TNC: variants seen among roughly 807,000 people sequenced by gnomAD.
TNC encodes the protein tenascin.
In TNC, 109 loss-of-function variants were observed where a neutral mutation model predicts 202.4. The observed-to-expected ratio is 0.54, with a 90% CI of 0.46 to 0.63. The LOEUF (loss-of-function observed/expected upper bound fraction) is 0.63. Ranked by LOEUF, TNC falls within the 30% of genes least tolerant of loss-of-function variation. The pLI, the probability that TNC is intolerant of heterozygous loss-of-function variation, is 0.00. For missense variants in TNC, 2,756 were observed against 2,833.3 expected (o/e 0.97, Z 0.62); for synonymous variants, 1,007 against 1,089.7 (o/e 0.92, Z 1.50).
At chr9:115,048,619 A>G (rs141506248) in intron 15 of TNC, 87 bp from the exon 16 acceptor site, 697 of 1,301,676 alleles carry the variant, frequency 5.4e-4, no homozygotes, top group Non-Finnish European at 6.9e-4. Flanking sequence ...ACCAATAGAT[A>G]CCCAAGTCCA....
intron 17 of TNC, among the ~76,000 whole-genome samples, chr9:115,043,859 C>T (rs1830966010): frequency 6.6e-6 from 1 of 152,222 alleles, no homozygotes; most frequent in South Asian, 2.1e-4. Context: ...GGTGTAGGTA[C>T]ATTTTAGTAG....
In TNC at chr9:115,064,772, G is replaced by A; in HGVS notation, c.3362C>T (p.Thr1121Ile). ...CACAGCCCGAAGGCTGCCAGGCACG[G>A]TGAGGTTCCGAGCTGCCTCCACCTT... ...ANKVEAARNL[T>I]VPGSLRAVDI... The change falls in exon 11 of 28, where the codon ACC becomes ATC. Residue 1121 changes from threonine to isoleucine, a missense_variant. This residue lies in a region of TNC where 2,559 missense variants were observed against 2,546.0 expected (regional missense o/e 1.01). Coordinates refer to ENST00000350763, the MANE Select transcript of TNC (RefSeq NM_002160.4). 6.2e-7 allele frequency: 1 copy of A among 1,614,204 alleles called. No individual in the cohort carries two copies. The highest frequency in any genetic ancestry group is 2.2e-5 in the East Asian group (1 of 44,884).
intron 18 of TNC, among the ~76,000 whole-genome samples, chr9:115,041,847 G>A (rs1830780657): frequency 6.6e-6 from 1 of 152,138 alleles, no homozygotes; most frequent in Non-Finnish European, 1.5e-5. Flanking sequence ...GACAGATTTG[G>A]TACCCAAAGG....
chr9:115,057,494 A>C (rs1029666632), intron 14 of TNC, 69 bp from the exon 15 acceptor site: 1 of 1,473,886 alleles, frequency 6.8e-7, no homozygotes, highest in Admixed American at 2.0e-5. Flanking sequence ...GTGTTTTAAG[A>C]TTGAGGTTGT....
At chr9:115,077,875 C>T in intron 7 of TNC, 68 bp downstream of exon 7, 1 of 1,519,862 alleles carries the variant, frequency 6.6e-7, no homozygotes, top group Non-Finnish European at 9.0e-7. Flanking sequence ...GATACCCCAA[C>T]ATGGAGTGGG....
Position 115,024,238 on chromosome 9 carries a change from G to T in TNC, c.6332-102C>A. 3 of 1,260,078 alleles carry T rather than the reference G, an allele frequency of 2.4e-6. 1 individual carries two copies. In the South Asian group the frequency reaches 4.2e-5, roughly 18 times the overall value. The allele number at this position is 1,260,078 out of a possible 1,614,324, so 78.1% of individuals were successfully genotyped here. A position where few individuals can be genotyped will look rare whatever the true frequency, so the allele number is the denominator to read the frequency against. On this transcript the variant is annotated intron_variant, in intron 26 of 27. Coordinates refer to ENST00000350763, the MANE Select transcript of TNC (RefSeq NM_002160.4). ...AGGTGACAATTGAAAGGTTCTGGGT[G>T]TGGGACTGGCCTTGAACATTGATCC...
At chr9:115,085,782 T>C in intron 3 of TNC, 82 bp downstream of exon 3, 1 of 1,237,842 alleles carries the variant, frequency 8.1e-7, no homozygotes, top group Non-Finnish European at 1.1e-6. Flanking sequence ...AATGTTTATA[T>C]ATATAAACGT....
chr9:115,048,650 G>A (rs1280594899), intron 15 of TNC, 118 bp from the exon 16 acceptor site: 2 of 1,084,596 alleles, frequency 1.8e-6, no homozygotes, highest in Non-Finnish European at 2.6e-6. Flanking sequence ...TGTGTTATAT[G>A]CTTAGAAAAT....
intron 4 of TNC, among the ~76,000 whole-genome samples, chr9:115,083,796 G>C (rs1269119581): frequency 1.3e-5 from 2 of 152,148 alleles, no homozygotes; most frequent in Admixed American, 6.5e-5. Flanking sequence ...GTAGAGACAG[G>C]GTTTCGCCAT....
At position 115,031,579 on chromosome 9, in the gene TNC, T is replaced by C. The variant is rs943505277; in HGVS notation, c.5894A>G (p.Asn1965Ser). Residue 1965 changes from asparagine (N) to serine (S), a missense_variant, in exon 23 of 28, where the codon AAT becomes AGT. By Grantham distance (46) the Asn-to-Ser change is conservative. This residue lies in a region of TNC where 2,559 missense variants were observed against 2,546.0 expected (regional missense o/e 1.01). Coordinates refer to ENST00000350763, the MANE Select transcript of TNC (RefSeq NM_002160.4). ...IQALNGPLRS[N>S]MIQTIFTTIG... ...TGTGGTGAAGATGGTCTGGATCATA[T>C]TGCTCCTCAGGGGCCCATTGAGTGC... 24 of 1,604,258 alleles carry C rather than the reference T, an allele frequency of 1.5e-5. No homozygotes were observed. The highest frequency in any genetic ancestry group is 1.7e-4 in the Middle Eastern group (1 of 6,058).
intron 12 of TNC, among the ~76,000 whole-genome samples, chr9:115,063,490 C>T (rs1426513689): frequency 6.6e-6 from 1 of 152,124 alleles, no homozygotes; most frequent in Non-Finnish European, 1.5e-5. Context: ...GAGCTCAGAG[C>T]TATTTTTTCT....
At chr9:115,065,055 C>G in intron 10 of TNC, 136 bp from the exon 11 acceptor site, 1 of 913,806 alleles carries the variant, frequency 1.1e-6, no homozygotes, top group East Asian at 2.5e-5. Flanking sequence ...CACTGCATCC[C>G]CTACTGGTGC....
In TNC at chr9:115,020,957, T is replaced by C; in HGVS notation, c.*200A>G. 1 of 546,544 alleles carries C rather than the reference T, an allele frequency of 1.8e-6. No individual in the cohort carries two copies. The highest frequency in any genetic ancestry group is 3.2e-6 in the Non-Finnish European group (1 of 309,836). 33.9% of individuals were successfully genotyped at this position (546,544 alleles called of 1,614,324 possible). On this transcript the variant is annotated 3_prime_UTR_variant, in exon 28 of 28. Transcript: ENST00000350763. ...AAAACAGAAACATGTTGGAGACTGA[T>C]GTCTTTGGTGCAAAGAAAGAAATCA...
At chr9:115,060,476 G>C (rs1444252176) in intron 13 of TNC, among the ~76,000 whole-genome samples, 1 of 152,158 alleles carries the variant, frequency 6.6e-6, no homozygotes, top group African/African-American at 2.4e-5. Flanking sequence ...GGAGTTGATG[G>C]TACTGTTTCA....
In TNC at chr9:115,062,956, C is replaced by T; in HGVS notation, c.3994G>A (p.Gly1332Ser). 2.5e-6 allele frequency: 4 copies of T among 1,613,924 alleles called. No homozygotes were observed. The highest frequency in any genetic ancestry group is 3.4e-6 in the Non-Finnish European group (4 of 1,179,966). ...YTVTLHGEVRGHSTRPLAVEV... is the reference protein window; with the variant it reads ...YTVTLHGEVRSHSTRPLAVEV... ...ACAGCAAGGGGTCGAGTGCTGTGGC[C>T]CCTGACCTCGCCGTGCAGGGTGACT... The change falls in exon 13 of 28, where the codon GGC becomes AGC. Residue 1332 changes from glycine (G) to serine (S), a missense_variant. By Grantham distance (56) the Gly-to-Ser change is moderately conservative (BLOSUM62 0). Around this residue, in one of 2 missense-constraint regions of TNC, gnomAD observed 2,559 missense variants for 2,546.0 expected, o/e 1.01. Transcript: ENST00000350763.
At chr9:115,048,557 A>G in intron 15 of TNC, 25 bp from the exon 16 acceptor site, 1 of 1,599,096 alleles carries the variant, frequency 6.3e-7, no homozygotes, top group Non-Finnish European at 8.5e-7. Flanking sequence ...GAGTGAAAAT[A>G]ACTCAGGTTA....
rs375198797 is a variant in TNC, at chr9:115,048,456, C to T, written c.4656G>A (p.Ser1552=). The change falls in exon 16 of 28, where the codon TCG becomes TCA. Residue 1552 remains serine (S), a synonymous_variant. Transcript: ENST00000350763. ...PYGFTVSWMA[S]ENAFDSFLVT... is the part of the protein sequence containing the mutation. ...CTAGAAAGCTGTCAAAGGCATTCTC[C>T]GATGCCATCCAGGAAACTGTGAACC... is the stretch of plus-strand genomic sequence containing the variant. 1.1e-5 allele frequency: 17 copies of T among 1,613,842 alleles called. No individual in the cohort carries two copies. Among genetic ancestry groups the T allele is most frequent in the African/African-American group, 5.3e-5 (4 of 74,872 alleles).
intron 23 of TNC, 34 bp downstream of exon 23, chr9:115,031,519 T>A (rs761966054): frequency 1.3e-6 from 2 of 1,494,650 alleles, no homozygotes; most frequent in African/African-American, 1.4e-5. Context: ...CAAAGTTAGA[T>A]CTCAAGGCTG....
At chr9:115,045,905 A>G (rs925817761) in intron 17 of TNC, among the ~76,000 whole-genome samples, 1 of 152,038 alleles carries the variant, frequency 6.6e-6, no homozygotes, top group African/African-American at 2.4e-5. Context: ...TATAAATATT[A>G]ATGTGTATAG....
Sources: gnomAD v4.1 joint callset for allele counts (sites outside exome capture counted in the v4.1 genomes callset) on GRCh38, gnomAD v4.1.1 for gene constraint, gnomAD v4.1.1 regional missense constraint, MANE v1.5 for transcripts, NCBI Gene and HGNC (gene_info 2026-07-23, HGNC 2026-07-21) for gene names.